SLC9A9: variants seen among roughly 807,000 people sequenced by gnomAD.
The protein encoded by SLC9A9 is sodium/hydrogen exchanger 9.
In SLC9A9, 62 loss-of-function variants were observed where a neutral mutation model predicts 77.8. That is an observed-to-expected ratio of 0.80 (90% confidence interval 0.65 to 0.98). SLC9A9 has a LOEUF of 0.98. Among genes scored for constraint, SLC9A9 ranks in the 50% least tolerant of loss-of-function variants. The pLI is 0.00. For missense variants in SLC9A9, 775 were observed against 774.9 expected (o/e 1.00, Z 0.00); for synonymous variants, 320 against 283.5 (o/e 1.13, Z -1.29).
intron 11 of SLC9A9, among the ~76,000 whole-genome samples, chr3:143,491,059 C>T (rs2035736168): frequency 6.6e-6 from 1 of 152,134 alleles, no homozygotes; most frequent in African/African-American, 2.4e-5. Flanking sequence ...TGCACCTCGG[C>T]CCAAGATGAT....
intron 6 of SLC9A9, among the ~76,000 whole-genome samples, chr3:143,606,847 T>A (rs2108693063): frequency 6.6e-6 from 1 of 152,118 alleles, no homozygotes; most frequent in South Asian, 2.1e-4. Flanking sequence ...CCAACATATA[T>A]CTGTTGCAGA....
chr3:143,732,883 G>A (rs1358686333), intron 4 of SLC9A9, among the ~76,000 whole-genome samples: 1 of 152,186 alleles, frequency 6.6e-6, no homozygotes, highest in African/African-American at 2.4e-5. Flanking sequence ...GGCAAATTCA[G>A]TCGCAACATA....
chr3:143,380,211 C>T (rs902481306), intron 13 of SLC9A9, among the ~76,000 whole-genome samples: 3 of 152,154 alleles, frequency 2.0e-5, no homozygotes, highest in Non-Finnish European at 2.9e-5. Context: ...ATAATATCTT[C>T]AGGTAAGGGT....
chr3:143,812,538 C>A (rs2108873075), intron 2 of SLC9A9, among the ~76,000 whole-genome samples: 1 of 152,334 alleles, frequency 6.6e-6, no homozygotes, highest in East Asian at 1.9e-4. Flanking sequence ...GGCCTCACAA[C>A]ACCCATTTCC....
chr3:143,345,500 C>A (rs1383738402), intron 14 of SLC9A9, among the ~76,000 whole-genome samples: 8 of 152,088 alleles, frequency 5.3e-5, no homozygotes, highest in African/African-American at 1.9e-4. Context: ...TCATTGCTGA[C>A]CTAACAAGCT....
At chr3:143,418,573 G>T (rs2034240387) in intron 12 of SLC9A9, among the ~76,000 whole-genome samples, 1 of 152,098 alleles carries the variant, frequency 6.6e-6, no homozygotes, top group South Asian at 2.1e-4. Flanking sequence ...GAGGCCTGTT[G>T]GTTTCTGTAT....
chr3:143,518,314 C>A, intron 9 of SLC9A9: 2 of 806,492 alleles, frequency 2.5e-6, no homozygotes, highest in African/African-American at 3.4e-5. Context: ...GCAGAAAGGG[C>A]TGTTTAACTA....
At chr3:143,802,422 G>C (rs1449935319) in intron 2 of SLC9A9, among the ~76,000 whole-genome samples, 2 of 152,108 alleles carry the variant, frequency 1.3e-5, no homozygotes, top group African/African-American at 4.8e-5. Flanking sequence ...TCAGGGACTT[G>C]CCCCTGCCCA....
chr3:143,617,027 A>G (rs1159739406), intron 6 of SLC9A9, among the ~76,000 whole-genome samples: 4 of 152,182 alleles, frequency 2.6e-5, no homozygotes, highest in Non-Finnish European at 5.9e-5. Flanking sequence ...GGCACCTAAC[A>G]CAGCTGGGCT....
chr3:143,811,866 GAAAAAAA>G (rs201760210), intron 2 of SLC9A9: 1 of 197,844 alleles, frequency 5.1e-6, no homozygotes, highest in African/African-American at 3.0e-5. Flanking sequence ...TGTCTAAAAA[GAAAAAAA>G]AAAAAGAAAA....
At chr3:143,551,697 A>G (rs1290893312) in intron 9 of SLC9A9, among the ~76,000 whole-genome samples, 1 of 152,228 alleles carries the variant, frequency 6.6e-6, no homozygotes, top group East Asian at 1.9e-4. Flanking sequence ...TTCTATGACA[A>G]TACTTATAAA....
chr3:143,270,642 A>C (rs981236741), intron 14 of SLC9A9, among the ~76,000 whole-genome samples: 12 of 152,138 alleles, frequency 7.9e-5, no homozygotes, highest in Non-Finnish European at 1.6e-4. Flanking sequence ...TGGAAAAGTG[A>C]CAGCAAGTAA....
intron 12 of SLC9A9, among the ~76,000 whole-genome samples, chr3:143,432,257 C>A (rs2034533475): frequency 6.6e-6 from 1 of 152,150 alleles, no homozygotes; most frequent in African/African-American, 2.4e-5. Context: ...TATAAGATGA[C>A]TACACACCGG....
intron 12 of SLC9A9, among the ~76,000 whole-genome samples, chr3:143,383,788 G>T (rs2033357348): frequency 6.6e-6 from 1 of 152,158 alleles, no homozygotes. Flanking sequence ...TTCAACTCTT[G>T]TTCCTCATAA....
intron 13 of SLC9A9, among the ~76,000 whole-genome samples, chr3:143,370,054 T>A (rs922618679): frequency 2.6e-5 from 4 of 152,226 alleles, no homozygotes; most frequent in African/African-American, 9.6e-5. Context: ...AGACCTTGCA[T>A]CAGAAACACT....
At chr3:143,383,604 G>A (rs2033353207) in intron 12 of SLC9A9, among the ~76,000 whole-genome samples, 1 of 152,092 alleles carries the variant, frequency 6.6e-6, no homozygotes, top group African/African-American at 2.4e-5. Flanking sequence ...GGCCTTGGAG[G>A]GCCAGACCAA....
At position 143,693,296 on chromosome 3, in the gene SLC9A9, T is replaced by A. The variant is rs368916653; in HGVS notation, c.545A>T (p.Tyr182Phe). The change falls in exon 5 of 16, where the codon TAT becomes TTT. Residue 182 changes from tyrosine (Y) to phenylalanine (F), a missense_variant. Transcript: ENST00000316549. ...ATGTATCATAGCCTTCACAAAACCA[T>A]ACATAATTAACCTGTTGAAGAGAAA... ...ISCIVIGLIM[Y>F]GFVKAMIHAG... The A allele has an allele frequency of 1.8e-5, 29 of 1,612,516 alleles. 1 individual carries two copies. The highest frequency in any genetic ancestry group is 1.2e-4 in the African/African-American group (9 of 74,852).
At chr3:143,462,895 T>C (rs910627356) in intron 12 of SLC9A9, among the ~76,000 whole-genome samples, 26 of 152,216 alleles carry the variant, frequency 1.7e-4, no homozygotes, top group African/African-American at 5.5e-4. Flanking sequence ...GCTCCCCAGA[T>C]TGGAGCCTGA....
intron 6 of SLC9A9, chr3:143,620,446 G>A (rs1262080518): frequency 6.6e-6 from 1 of 152,348 alleles, no homozygotes; most frequent in African/African-American, 2.4e-5. Flanking sequence ...AGTGAGAGGA[G>A]TAGTGCACCT....
Sources: allele counts gnomAD v4.1 joint callset (sites outside exome capture counted in the v4.1 genomes callset), GRCh38; gene constraint gnomAD v4.1.1; transcripts MANE v1.5; gene names NCBI Gene and HGNC (gene_info 2026-07-23, HGNC 2026-07-21).